SALL3: variants seen among roughly 807,000 people sequenced by gnomAD.
The protein encoded by SALL3 is sal-like protein 3.
Under a neutral mutation model 66.2 loss-of-function variants are expected in SALL3, and 25 were observed. That is an observed-to-expected ratio of 0.38 (90% CI 0.28 to 0.53). SALL3 has a LOEUF of 0.53. Among genes scored for constraint, SALL3 ranks in the 20% least tolerant of loss-of-function variants. The pLI is 0.85. For synonymous variants in SALL3, 1,152 were observed against 899.1 expected (o/e 1.28, Z -5.03); for missense variants, 2,194 against 1,916.5 (o/e 1.14, Z -2.70).
At position 78,992,444 on chromosome 18, in the gene SALL3, C is replaced by A. The variant is rs1174828463; in HGVS notation, c.453C>A (p.Ala151=). The A allele has an allele frequency of 2.1e-6, 3 of 1,403,926 alleles. No homozygotes were observed. The African/African-American group carries it at 4.6e-5, about 22-fold the overall frequency. 87.0% of individuals were successfully genotyped at this position (1,403,926 alleles called of 1,614,324 possible). The change falls in exon 2 of 3, where the codon GCC becomes GCA. Residue 151 remains alanine, a synonymous_variant. Coordinates refer to ENST00000537592, the MANE Select transcript of SALL3 (RefSeq NM_171999.4). ...GCGCGCCCCGGCCCCCGCCTGCGGC[C>A]CCTGCACCCCCAACGCCCGCCTACG... ...DTRAPRPPPA[A]PAPPTPAYGA...
rs1479144174 is a variant in SALL3, at chr18:78,998,481, C to T, written c.*1159C>T. 6.6e-6 allele frequency: 1 copy of T among 152,158 alleles called. No individual in the cohort carries two copies. Among genetic ancestry groups the T allele is most frequent in the African/African-American group, 2.4e-5 (1 of 41,450 alleles). 9.4% of individuals were successfully genotyped at this position (152,158 alleles called of 1,614,324 possible). ...TCTTAAATTAAAATGATTTATTTAA[C>T]TTTTCCACAAAGCCCACTTTAAAAC... On this transcript the variant is annotated 3_prime_UTR_variant, in exon 3 of 3. Coordinates refer to ENST00000537592, the MANE Select transcript of SALL3 (RefSeq NM_171999.4).
chr18:78,987,550 A>G (rs554664639), intron 1 of SALL3, among the ~76,000 whole-genome samples: 1 of 152,324 alleles, frequency 6.6e-6, no homozygotes, highest in Non-Finnish European at 1.5e-5. Flanking sequence ...CTAGGTGTAA[A>G]CAGCAGATAT....
Position 78,995,078 on chromosome 18 carries a change from G to A in SALL3, c.3087G>A (p.Leu1029=). Residue 1029 remains leucine, a synonymous_variant, in exon 2 of 3, where the codon TTG becomes TTA. Transcript: ENST00000537592. ...AACAGCACTTACTGACACACAGATT[G>A]AAAGAGCTGCCTTCTCAGTTATTTG... ...NLKQHLLTHR[L]KELPSQLFDP... 2 of 1,613,858 alleles carry A rather than the reference G, an allele frequency of 1.2e-6. No individual in the cohort carries two copies. The highest frequency in any genetic ancestry group is 1.7e-6 in the Non-Finnish European group (2 of 1,180,028).
At chr18:78,987,213 T>G (rs1914274341) in intron 1 of SALL3, among the ~76,000 whole-genome samples, 1 of 152,186 alleles carries the variant, frequency 6.6e-6, no homozygotes, top group Admixed American at 6.5e-5. Context: ...AGGCTAAAAA[T>G]TCTGCCTGTC....
chr18:78,994,826 G>T lies in SALL3; in HGVS notation c.2835G>T (p.Pro945=). The change falls in exon 2 of 3, where the codon CCG becomes CCT. Residue 945 remains proline, a synonymous_variant. Coordinates refer to ENST00000537592, the MANE Select transcript of SALL3 (RefSeq NM_171999.4). The part of the protein sequence containing the change: ...TERPDSPAAA[P]GSGGAPGRAG... ...GGCCGGACAGCCCAGCCGCCGCCCCGGGCAGCGGAGGCGCCCCTGGCCGCG... is the reference window on the plus strand; with the variant it reads ...GGCCGGACAGCCCAGCCGCCGCCCCTGGCAGCGGAGGCGCCCCTGGCCGCG... 6.3e-7 allele frequency: 1 copy of T among 1,595,972 alleles called. No homozygotes were observed. Among genetic ancestry groups the T allele is most frequent in the East Asian group, 2.3e-5 (1 of 44,122 alleles).
At chr18:78,986,716 G>C (rs1182514448) in intron 1 of SALL3, among the ~76,000 whole-genome samples, 1 of 152,284 alleles carries the variant, frequency 6.6e-6, no homozygotes, top group South Asian at 2.1e-4. Flanking sequence ...TCATTGAAGT[G>C]GATAAGTTAA....
rs565743978 is a variant in SALL3 at position 78,993,797 on chromosome 18, C to T, written c.1806C>T (p.Pro602=). ...PLTKAEPVSL[P]CTNARAGDAP... Reference sequence around the variant, plus strand: ...CTAAAGCCGAGCCCGTCAGCCTGCCCTGCACCAACGCCAGGGCCGGGGACG... The same window carrying T: ...CTAAAGCCGAGCCCGTCAGCCTGCCTTGCACCAACGCCAGGGCCGGGGACG... Residue 602 remains proline (P), a synonymous_variant, in exon 2 of 3, where the codon CCC becomes CCT. Transcript: ENST00000537592. 1.1e-5 allele frequency: 17 copies of T among 1,555,688 alleles called. No homozygotes were observed. In the East Asian group the frequency reaches 3.6e-4, roughly 33 times the overall value.
At chr18:78,985,293 C>T (rs1217150192) in intron 1 of SALL3, among the ~76,000 whole-genome samples, 2 of 152,204 alleles carry the variant, frequency 1.3e-5, no homozygotes, top group African/African-American at 4.8e-5. Context: ...GCTTCTCAGA[C>T]GCCATCTAGT....
intron 1 of SALL3, among the ~76,000 whole-genome samples, chr18:78,990,669 G>A (rs1035553456): frequency 6.6e-6 from 1 of 152,212 alleles, no homozygotes; most frequent in Admixed American, 6.5e-5. Context: ...ACACAGACTT[G>A]AAGATGTTTT....
In SALL3 at chr18:78,992,299, C is replaced by CCAG; in HGVS notation, c.310_312dup (p.Ser104dup). ...CCCGAGCCTTCGCCCGCCAGCTCCC[C>CCAG]CAGCGAGCGCGCCGAAAGCGAGGCG... On this transcript the variant is annotated inframe_insertion, in exon 2 of 3. Transcript: ENST00000537592. The CCAG allele has an allele frequency of 1.3e-6, 2 of 1,523,698 alleles. No individual in the cohort carries two copies. The highest frequency in any genetic ancestry group is 2.5e-5 in the South Asian group (2 of 81,244). The allele number at this position is 1,523,698 out of a possible 1,614,324, so 94.4% of individuals were successfully genotyped here.
chr18:78,992,977 C>T lies in SALL3; in HGVS notation c.986C>T (p.Pro329Leu), dbSNP rs1359146459. The T allele has an allele frequency of 2.2e-6, 3 of 1,361,778 alleles. No homozygotes were observed. Among genetic ancestry groups the T allele is most frequent in the South Asian group, 1.7e-5 (1 of 58,528 alleles). 84.4% of individuals were successfully genotyped at this position (1,361,778 alleles called of 1,614,324 possible). A position where few individuals can be genotyped will look rare whatever the true frequency, so the allele number is the denominator to read the frequency against. ...GCTGCCCCCGCCCCGGCGCCAGCGCCGCAGAGCGCAGCCTCGTCGCAGCCG... is the reference window on the plus strand; with the variant it reads ...GCTGCCCCCGCCCCGGCGCCAGCGCTGCAGAGCGCAGCCTCGTCGCAGCCG... ...APAAPAPAPA[P>L]QSAASSQPQS... Residue 329 changes from proline (P) to leucine (L), a missense_variant, in exon 2 of 3, where the codon CCG becomes CTG. Transcript: ENST00000537592.
chr18:78,984,566 C>G, intron 1 of SALL3, among the ~76,000 whole-genome samples: 1 of 151,696 alleles, frequency 6.6e-6, no homozygotes, highest in East Asian at 1.9e-4. Flanking sequence ...ATTTCATACA[C>G]AATGAAACAA....
Position 78,997,063 on chromosome 18 carries a change from A to T in SALL3, c.3644A>T (p.Tyr1215Phe), listed in dbSNP as rs1255487717. 3 of 1,614,050 alleles carry T rather than the reference A, an allele frequency of 1.9e-6. No homozygotes were observed. Among genetic ancestry groups the T allele is most frequent in the African/African-American group, 1.3e-5 (1 of 74,944 alleles). Residue 1215 changes from tyrosine (Y) to phenylalanine (F), a missense_variant, in exon 3 of 3, where the codon TAT becomes TTT. By Grantham distance (22) the Tyr-to-Phe change is conservative. Coordinates refer to ENST00000537592, the MANE Select transcript of SALL3 (RefSeq NM_171999.4). Reference sequence around the variant, plus strand: ...GTCGACCCCAGTTTTTGGAACCAGTATGCTGCAGCCATCACTAACGGGCTC... The same window carrying T: ...GTCGACCCCAGTTTTTGGAACCAGTTTGCTGCAGCCATCACTAACGGGCTC... ...MNVDPSFWNQYAAAITNGLAM... is the reference protein window; with the variant it reads ...MNVDPSFWNQFAAAITNGLAM...
chr18:78,992,824 C>T lies in SALL3; in HGVS notation c.833C>T (p.Ser278Leu), dbSNP rs1327235489. ...AGAPAAAIAG[S>L]GPAAPAAFEG... The stretch of plus-strand genomic sequence containing the variant: ...GCCCCTGCCGCCGCCATCGCGGGCT[C>T]GGGCCCCGCCGCCCCGGCCGCCTTC... Residue 278 changes from serine to leucine, a missense_variant, in exon 2 of 3, where the codon TCG becomes TTG. Coordinates refer to ENST00000537592, the MANE Select transcript of SALL3 (RefSeq NM_171999.4). 1.1e-5 allele frequency: 11 copies of T among 979,724 alleles called. No homozygotes were observed. The highest frequency in any genetic ancestry group is 9.3e-5 in the South Asian group (2 of 21,514). 60.7% of individuals were successfully genotyped at this position (979,724 alleles called of 1,614,324 possible).
At chr18:78,981,170 A>G (rs1914053902) in intron 1 of SALL3, among the ~76,000 whole-genome samples, 2 of 152,204 alleles carry the variant, frequency 1.3e-5, no homozygotes, top group Admixed American at 1.3e-4. Context: ...AAGTTAAGAG[A>G]CTGGCAAAGG....
At position 78,994,697 on chromosome 18, in the gene SALL3, G is replaced by C. The variant is rs763229465; in HGVS notation, c.2706G>C (p.Ser902=). ...CCGCCCTGTCCGAGTCCTCGTCCTC[G>C]CAGGCCCTGTCGCCGGCCCCCAGCA... ...GSPALSESSS[S]QALSPAPSNG... The change falls in exon 2 of 3, where the codon TCG becomes TCC. Residue 902 remains serine (S), a synonymous_variant. Coordinates refer to ENST00000537592, the MANE Select transcript of SALL3 (RefSeq NM_171999.4). 21 of 1,606,470 alleles carry C rather than the reference G, an allele frequency of 1.3e-5. No individual in the cohort carries two copies. Among genetic ancestry groups the C allele is most frequent in the Non-Finnish European group, 1.7e-5 (20 of 1,179,472 alleles).
chr18:78,997,543 C>CAA lies in SALL3; in HGVS notation c.*230_*231dup. ...TGCAATCTTTTAAATAAGCTTCCTT[C>CAA]AAAAAAAAAAGTGCTTGGAAAACCG... On this transcript the variant is annotated 3_prime_UTR_variant, in exon 3 of 3. Transcript: ENST00000537592. 4.8e-5 allele frequency: 22 copies of CAA among 456,138 alleles called. No individual in the cohort carries two copies. Among genetic ancestry groups the CAA allele is most frequent in the Non-Finnish European group, 6.9e-5 (18 of 259,066 alleles). 28.3% of individuals were successfully genotyped at this position (456,138 alleles called of 1,614,324 possible).
At position 78,992,105 on chromosome 18, in the gene SALL3, C is replaced by T; in HGVS notation, c.114C>T (p.Asp38=). 6.3e-7 allele frequency: 1 copy of T among 1,580,042 alleles called. No individual in the cohort carries two copies. Among genetic ancestry groups the T allele is most frequent in the South Asian group, 1.2e-5 (1 of 86,082 alleles). ...CGGGGGAAGGTGCGGAGGACGCAGA[C>T]AGCGGGCCCGAGAGCCGCAGCGGGG... The part of the protein sequence containing the change: ...AAPGEGAEDA[D]SGPESRSGGE... The change falls in exon 2 of 3, where the codon GAC becomes GAT. Residue 38 remains aspartate, a synonymous_variant. Coordinates refer to ENST00000537592, the MANE Select transcript of SALL3 (RefSeq NM_171999.4).
At chr18:78,996,284 G>A (rs560562519) in intron 2 of SALL3, among the ~76,000 whole-genome samples, 38 of 152,302 alleles carry the variant, frequency 2.5e-4, no homozygotes, top group South Asian at 2.1e-3. Flanking sequence ...GCTTTCTGTC[G>A]TCTGTGAAGT....
Sources: allele counts gnomAD v4.1 joint callset (sites outside exome capture counted in the v4.1 genomes callset), GRCh38; gene constraint gnomAD v4.1.1; transcripts MANE v1.5; gene names NCBI Gene and HGNC (gene_info 2026-07-23, HGNC 2026-07-21).